The following MAGI2 variants were observed in gnomAD, a reference collection of about 807,000 sequenced individuals.
The protein encoded by MAGI2 is membrane-associated guanylate kinase, WW and PDZ domain-containing protein 2.
A neutral mutation model predicts 133.3 loss-of-function variants in MAGI2; 35 were observed. The observed-to-expected ratio is 0.26, with a 90% CI of 0.20 to 0.35. MAGI2 has a LOEUF of 0.35. Ranked by LOEUF, MAGI2 falls within the 10% of genes least tolerant of loss-of-function variation. The probability of loss-of-function intolerance (pLI) is 1.00; values close to 1 mark genes in which losing one functional copy is unlikely to be tolerated. For missense variants in MAGI2, 1,636 were observed against 1,863.4 expected, an observed-to-expected ratio of 0.88 and a Z score of 2.25; for synonymous variants, 729 against 710.6, an observed-to-expected ratio of 1.03 and a Z score of -0.41.
intron 1 of MAGI2, among the ~76,000 whole-genome samples, chr7:79,086,972 A>G (rs1339377094): frequency 6.6e-6 from 1 of 151,850 alleles, no homozygotes; most frequent in African/African-American, 2.4e-5. Flanking sequence ...CTTGACAAGT[A>G]TCTGAGGACT....
At chr7:79,290,551 T>C (rs1416676605) in intron 1 of MAGI2, among the ~76,000 whole-genome samples, 1 of 152,052 alleles carries the variant, frequency 6.6e-6, no homozygotes, top group Non-Finnish European at 1.5e-5. Context: ...CATGTTCACC[T>C]CAAATTTGCT....
At chr7:79,115,854 G>GTTTTTTTTTTTTTTTTT (rs59398227) in intron 1 of MAGI2, among the ~76,000 whole-genome samples, 3 of 93,944 alleles carry the variant, frequency 3.2e-5, no homozygotes, top group African/African-American at 1.3e-4. Flanking sequence ...ATGTTTTAAA[G>GTTTTTTTTTTTTTTTTT]TTTTTTTTTT....
intron 6 of MAGI2, among the ~76,000 whole-genome samples, chr7:78,469,714 A>G (rs1156548867): frequency 1.3e-5 from 2 of 152,134 alleles, no homozygotes; most frequent in Non-Finnish European, 1.5e-5. Flanking sequence ...GAAAAACTGC[A>G]TTATATTAAC....
At chr7:78,820,098 T>A (rs563029274) in intron 2 of MAGI2, among the ~76,000 whole-genome samples, 1 of 152,022 alleles carries the variant, frequency 6.6e-6, no homozygotes, top group East Asian at 1.9e-4. Context: ...GTCAAAAACA[T>A]CATAAGCTTG....
chr7:78,397,701 G>C (rs1318384953), intron 6 of MAGI2, among the ~76,000 whole-genome samples: 1 of 152,074 alleles, frequency 6.6e-6, no homozygotes, highest in Admixed American at 6.6e-5. Context: ...TTCTAAGATT[G>C]AGATATAAAA....
intron 2 of MAGI2, among the ~76,000 whole-genome samples, chr7:78,694,136 T>C (rs555145777): frequency 2.0e-5 from 3 of 152,070 alleles, no homozygotes; most frequent in Non-Finnish European, 4.4e-5. Flanking sequence ...AACCATTTTG[T>C]AGGGTTGTCA....
chr7:78,689,291 T>C (rs1816703143), intron 2 of MAGI2, among the ~76,000 whole-genome samples: 1 of 152,206 alleles, frequency 6.6e-6, no homozygotes, highest in African/African-American at 2.4e-5. Flanking sequence ...AATTCCACGA[T>C]ATATGTTGAA....
intron 2 of MAGI2, among the ~76,000 whole-genome samples, chr7:78,967,682 CAAAATGACTTGTT>C (rs1304853287): frequency 6.6e-6 from 1 of 151,676 alleles, no homozygotes; most frequent in African/African-American, 2.4e-5. Context: ...TCCAGTTTTC[CAAAATGACTTGTT>C]AAACAGACTG....
Position 78,214,968 on chromosome 7 carries a change from G to A in MAGI2, c.2048-13775C>T, listed in dbSNP as rs1788123653. ...TAATGGTTCTGCTGTGGAGCAGAGA[G>A]TCACAGCTTGCATCACAGTCCACGG... On this transcript the variant is annotated intron_variant, in intron 10 of 21. Coordinates refer to ENST00000354212, the MANE Select transcript of MAGI2 (RefSeq NM_012301.4). Among the ~76,000 whole-genome samples, 4 of 152,208 alleles carry A rather than the reference G, an allele frequency of 2.6e-5. No homozygotes were observed. The South Asian group carries it at 8.3e-4, about 32-fold the overall frequency.
Position 78,644,220 on chromosome 7 carries a change from T to C in MAGI2, c.419-16981A>G, listed in dbSNP as rs184311036. ...CAAAGAAAAATTGATAATTCCACAA[T>C]TATACTGAGAGATTTCAACACTTCT... On this transcript the variant is annotated intron_variant, in intron 2 of 21. Coordinates refer to ENST00000354212, the MANE Select transcript of MAGI2 (RefSeq NM_012301.4). Among the ~76,000 whole-genome samples, 394 of 152,154 alleles carry C rather than the reference T, an allele frequency of 2.6e-3. 3 individuals are homozygous for C. Among genetic ancestry groups the C allele is most frequent in the Middle Eastern group, 0.014 (4 of 292 alleles).
At chr7:78,566,214 A>G (rs1310151937) in intron 3 of MAGI2, among the ~76,000 whole-genome samples, 1 of 152,206 alleles carries the variant, frequency 6.6e-6, no homozygotes, top group African/African-American at 2.4e-5. Context: ...GAGCGTGCTC[A>G]GGAAATGGGA....
chr7:78,837,816 C>G (rs1791779465), intron 2 of MAGI2, among the ~76,000 whole-genome samples: 1 of 152,060 alleles, frequency 6.6e-6, no homozygotes, highest in East Asian at 1.9e-4. Flanking sequence ...TTTATTCGTA[C>G]TAGAAGCATT....
At chr7:78,265,096 T>C (rs1019791440) in intron 9 of MAGI2, among the ~76,000 whole-genome samples, 1 of 152,108 alleles carries the variant, frequency 6.6e-6, no homozygotes, top group Non-Finnish European at 1.5e-5. Flanking sequence ...TTTTTTTAAA[T>C]TATGATTAAG....
At chr7:78,217,417 C>T (rs12669415) in intron 10 of MAGI2, among the ~76,000 whole-genome samples, 26,601 of 151,958 alleles carry the variant, frequency 0.18, 2,961 homozygotes, top group Admixed American at 0.26. Context: ...ATACTTGTTG[C>T]GTGAAAGGAA....
At chr7:78,141,721 C>T (rs1822775364) in intron 16 of MAGI2, among the ~76,000 whole-genome samples, 13 of 152,120 alleles carry the variant, frequency 8.5e-5, no homozygotes, top group Admixed American at 8.5e-4. Flanking sequence ...TCCCAGCACC[C>T]ATGAGTCATT....
intron 16 of MAGI2, among the ~76,000 whole-genome samples, chr7:78,154,446 A>G (rs1272487847): frequency 2.6e-5 from 4 of 152,238 alleles, no homozygotes; most frequent in East Asian, 3.8e-4. Context: ...GATGAAATCA[A>G]CACCACTAGA....
chr7:78,923,206 C>T (rs1187969181), intron 2 of MAGI2, among the ~76,000 whole-genome samples: 1 of 152,168 alleles, frequency 6.6e-6, no homozygotes, highest in African/African-American at 2.4e-5. Context: ...AATTAGATCC[C>T]ATTTGTCAAT....
At chr7:79,049,604 C>A (rs1477475610) in intron 1 of MAGI2, among the ~76,000 whole-genome samples, 1 of 151,790 alleles carries the variant, frequency 6.6e-6, no homozygotes, top group Non-Finnish European at 1.5e-5. Context: ...TAGATTTTTT[C>A]TTTATATAAT....
At chr7:78,845,261 T>C (rs545955487) in intron 2 of MAGI2, among the ~76,000 whole-genome samples, 5 of 151,964 alleles carry the variant, frequency 3.3e-5, no homozygotes, top group Non-Finnish European at 7.4e-5. Context: ...AATATTTCCA[T>C]TTTACAAATC....
Sources: gnomAD v4.1 joint callset for allele counts (sites outside exome capture counted in the v4.1 genomes callset) on GRCh38, gnomAD v4.1.1 for gene constraint, MANE v1.5 for transcripts, NCBI Gene and HGNC (gene_info 2026-07-23, HGNC 2026-07-21) for gene names.